Variants in TMEM26 observed in about 807,000 individuals in gnomAD.
TMEM26 encodes transmembrane protein 26.
Under a neutral mutation model 28.8 loss-of-function variants are expected in TMEM26, and 38 were observed. The observed-to-expected ratio is 1.32, with a 90% CI of 1.02 to 1.73. The LOEUF (loss-of-function observed/expected upper bound fraction) is 1.73, where lower values mean the gene tolerates loss of function less well. TMEM26 is among the 40% of genes most tolerant of loss of function. The pLI is 0.00. For missense variants in TMEM26, 518 were observed against 447.1 expected (o/e 1.16, Z -1.43); for synonymous variants, 227 against 182.9 (o/e 1.24, Z -1.95).
At chr10:61,447,727 A>T in intron 1 of TMEM26, among the ~76,000 whole-genome samples, 1 of 152,116 alleles carries the variant, frequency 6.6e-6, no homozygotes, top group East Asian at 1.9e-4. Context: ...GCTCATGACG[A>T]TTGCCCCTTT....
At chr10:61,421,103 G>T (rs1238337736) in intron 4 of TMEM26, among the ~76,000 whole-genome samples, 1 of 152,084 alleles carries the variant, frequency 6.6e-6, no homozygotes, top group African/African-American at 2.4e-5. Flanking sequence ...GAGCCATATT[G>T]TTAGGCTTTA....
chr10:61,428,136 C>A (rs1479391257), intron 4 of TMEM26, among the ~76,000 whole-genome samples: 1 of 152,034 alleles, frequency 6.6e-6, no homozygotes, highest in Admixed American at 6.6e-5. Context: ...AGAAGCACAG[C>A]ATAAAGTAAA....
chr10:61,444,902 T>C (rs1346964023), intron 1 of TMEM26, among the ~76,000 whole-genome samples: 1 of 152,066 alleles, frequency 6.6e-6, no homozygotes, highest in East Asian at 1.9e-4. Context: ...ACCAGGGCTA[T>C]TGTGAGGATT....
Position 61,436,346 on chromosome 10 carries a change from C to T in TMEM26, c.192-98G>A, listed in dbSNP as rs188338659. ...GAATGAAAAAAAAATGCACATACTCCGACCACATTGAGTCAAACCTTTTCG... is the reference window on the plus strand; with the variant it reads ...GAATGAAAAAAAAATGCACATACTCTGACCACATTGAGTCAAACCTTTTCG... On this transcript the variant is annotated intron_variant, in intron 1 of 5. Coordinates refer to ENST00000399298, the MANE Select transcript of TMEM26 (RefSeq NM_178505.8). 49 of 660,096 alleles carry T rather than the reference C, an allele frequency of 7.4e-5. 1 individual carries two copies. Among genetic ancestry groups the T allele is most frequent in the Admixed American group, 9.0e-5 (3 of 33,430 alleles). 40.9% of individuals were successfully genotyped at this position (660,096 alleles called of 1,614,324 possible).
At chr10:61,431,559 A>G (rs1839923785) in intron 2 of TMEM26, among the ~76,000 whole-genome samples, 1 of 152,122 alleles carries the variant, frequency 6.6e-6, no homozygotes, top group African/African-American at 2.4e-5. Flanking sequence ...CCATAAGTCA[A>G]TGAGGATGCA....
intron 1 of TMEM26, among the ~76,000 whole-genome samples, chr10:61,443,674 C>T (rs933554102): frequency 6.6e-6 from 1 of 152,138 alleles, no homozygotes; most frequent in Admixed American, 6.5e-5. Context: ...CTGAATGTGA[C>T]TCTTAGTTAT....
intron 4 of TMEM26, among the ~76,000 whole-genome samples, chr10:61,422,033 T>C: frequency 6.6e-6 from 1 of 152,050 alleles, no homozygotes; most frequent in Non-Finnish European, 1.5e-5. Context: ...GGAGACAAAA[T>C]TGACTTTCAG....
chr10:61,412,885 G>T, intron 5 of TMEM26: 1 of 1,244,816 alleles, frequency 8.0e-7, no homozygotes, highest in Non-Finnish European at 1.1e-6. Context: ...ATTACTTCTT[G>T]CAAAATCTTA....
chr10:61,445,048 C>T (rs77619691), intron 1 of TMEM26, among the ~76,000 whole-genome samples: 2,109 of 152,236 alleles, frequency 0.014, 47 homozygotes, highest in East Asian at 0.062. Flanking sequence ...TGTGCATTAG[C>T]GTACTCACCC....
At chr10:61,425,433 T>C (rs536034959) in intron 4 of TMEM26, among the ~76,000 whole-genome samples, 2 of 152,270 alleles carry the variant, frequency 1.3e-5, no homozygotes, top group East Asian at 3.9e-4. Flanking sequence ...TGAAAGAACA[T>C]ATTGATAGAT....
At chr10:61,448,618 T>C (rs1393488392) in intron 1 of TMEM26, among the ~76,000 whole-genome samples, 1 of 145,878 alleles carries the variant, frequency 6.9e-6, no homozygotes, top group Non-Finnish European at 1.5e-5. Flanking sequence ...TCTGTTTTTT[T>C]GTTTTTTTTT....
intron 1 of TMEM26, among the ~76,000 whole-genome samples, chr10:61,445,957 C>T (rs1444052920): frequency 6.6e-6 from 1 of 152,102 alleles, no homozygotes; most frequent in Non-Finnish European, 1.5e-5. Context: ...CTTATAGGAG[C>T]TGCCCATGCT....
chr10:61,416,068 C>A (rs779074268), intron 4 of TMEM26: 5 of 449,088 alleles, frequency 1.1e-5, no homozygotes, highest in South Asian at 8.0e-5. Flanking sequence ...CAAAATAGAA[C>A]AAGTTGCCAC....
chr10:61,420,074 G>A (rs1409286610), intron 4 of TMEM26, among the ~76,000 whole-genome samples: 1 of 152,050 alleles, frequency 6.6e-6, no homozygotes, highest in Non-Finnish European at 1.5e-5. Context: ...ACTACTAATA[G>A]TGTACTGCTG....
At chr10:61,413,828 A>T in intron 4 of TMEM26, 1 of 1,038,818 alleles carries the variant, frequency 9.6e-7, no homozygotes, top group Non-Finnish European at 1.2e-6. Flanking sequence ...TTATGGGAGA[A>T]AAATGATAGG....
chr10:61,444,750 T>C (rs1840152228), intron 1 of TMEM26, among the ~76,000 whole-genome samples: 1 of 151,748 alleles, frequency 6.6e-6, no homozygotes, highest in Non-Finnish European at 1.5e-5. Flanking sequence ...AGTTACTGTA[T>C]ACAAAACATA....
At chr10:61,414,175 C>G (rs768971508) in intron 4 of TMEM26, 67 of 515,914 alleles carry the variant, frequency 1.3e-4, no homozygotes, top group Non-Finnish European at 1.6e-4. Flanking sequence ...TTAAAAGCAC[C>G]AAAGAAGGGT....
intron 1 of TMEM26, among the ~76,000 whole-genome samples, chr10:61,450,692 G>A (rs912010401): frequency 6.6e-6 from 1 of 151,730 alleles, no homozygotes; most frequent in Non-Finnish European, 1.5e-5. Context: ...TACTATGCCA[G>A]CAAGATTTTC....
intron 3 of TMEM26, among the ~76,000 whole-genome samples, chr10:61,430,054 T>C (rs1007722930): frequency 4.6e-5 from 7 of 152,066 alleles, no homozygotes; most frequent in African/African-American, 1.7e-4. Flanking sequence ...TCAAGAATAT[T>C]CCATCTGTAC....
Sources: gnomAD v4.1 joint callset for allele counts (sites outside exome capture counted in the v4.1 genomes callset) on GRCh38, gnomAD v4.1.1 for gene constraint, MANE v1.5 for transcripts, NCBI Gene and HGNC (gene_info 2026-07-23, HGNC 2026-07-21) for gene names.